The following EVI5 variants were observed in gnomAD, a reference collection of about 807,000 sequenced individuals.
EVI5 encodes ecotropic viral integration site 5, also known as ecotropic viral integration site 5 protein homolog.
EVI5 carries 73 observed loss-of-function variants against 112.0 expected under a neutral mutation model. The observed-to-expected ratio is 0.65, with a 90% CI of 0.54 to 0.79. The LOEUF (loss-of-function observed/expected upper bound fraction) is 0.79. Among genes scored for constraint, EVI5 ranks in the 30% least tolerant of loss-of-function variants. The probability of loss-of-function intolerance (pLI) is 0.00; values close to 1 mark genes in which losing one functional copy is unlikely to be tolerated. For synonymous variants in EVI5, 305 were observed against 319.9 expected (o/e 0.95, Z 0.50); for missense variants, 900 against 968.8 (o/e 0.93, Z 0.94).
intron 2 of EVI5, among the ~76,000 whole-genome samples, chr1:92,724,498 A>T (rs993150308): frequency 4.6e-5 from 7 of 152,182 alleles, no homozygotes; most frequent in African/African-American, 1.7e-4. Flanking sequence ...ACATTAAATT[A>T]TATCGAACAA....
At chr1:92,568,099 C>T (rs956930560) in intron 18 of EVI5, among the ~76,000 whole-genome samples, 1 of 151,926 alleles carries the variant, frequency 6.6e-6, no homozygotes, top group African/African-American at 2.4e-5. Context: ...TCTGGCTGGG[C>T]GTGGTGGCTT....
At chr1:92,704,785 G>T in intron 2 of EVI5, 41 bp from the exon 3 acceptor site, 1 of 990,322 alleles carries the variant, frequency 1.0e-6, no homozygotes, top group Non-Finnish European at 1.5e-6. Context: ...TAATCGGACA[G>T]TGATATTAGA....
intron 1 of EVI5, among the ~76,000 whole-genome samples, chr1:92,740,670 GT>G (rs1055189591): frequency 1.3e-5 from 2 of 152,138 alleles, no homozygotes; most frequent in African/African-American, 4.8e-5. Context: ...CTGTATACAT[GT>G]ATGTATAAAA....
chr1:92,709,177 G>T (rs762248236), intron 2 of EVI5, among the ~76,000 whole-genome samples: 1 of 152,024 alleles, frequency 6.6e-6, no homozygotes, highest in Non-Finnish European at 1.5e-5. Flanking sequence ...CAGAGGGTGG[G>T]GTTGCTAGAA....
intron 2 of EVI5, among the ~76,000 whole-genome samples, chr1:92,731,181 G>A (rs969080920): frequency 7.2e-5 from 11 of 151,910 alleles, no homozygotes; most frequent in East Asian, 1.9e-4. Context: ...AAAATTAGCC[G>A]TCATAGTGGC....
chr1:92,769,165 T>A (rs971073748), intron 1 of EVI5, among the ~76,000 whole-genome samples: 4 of 152,180 alleles, frequency 2.6e-5, no homozygotes, highest in African/African-American at 9.7e-5. Context: ...CCAGTACCAT[T>A]CTCTCCTTTT....
At chr1:92,563,564 T>C in intron 19 of EVI5, 78 bp downstream of exon 19, 1 of 686,430 alleles carries the variant, frequency 1.5e-6, no homozygotes, top group East Asian at 2.6e-5. Context: ...GTGTCAGTCT[T>C]ATAACCAGTA....
intron 18 of EVI5, among the ~76,000 whole-genome samples, chr1:92,579,481 T>A (rs939712834): frequency 6.6e-6 from 1 of 152,160 alleles, no homozygotes; most frequent in African/African-American, 2.4e-5. Context: ...ATAAAAAATA[T>A]CAATGGTATT....
At chr1:92,777,696 C>A (rs1267978219) in intron 1 of EVI5, among the ~76,000 whole-genome samples, 1 of 152,190 alleles carries the variant, frequency 6.6e-6, no homozygotes, top group Non-Finnish European at 1.5e-5. Flanking sequence ...AGACAGTGGA[C>A]TTCCAAGGTG....
At chr1:92,699,008 G>A (rs191466711) in intron 5 of EVI5, among the ~76,000 whole-genome samples, 13 of 152,174 alleles carry the variant, frequency 8.5e-5, no homozygotes, top group Admixed American at 2.6e-4. Flanking sequence ...ATTCATTCCC[G>A]TTATACCAGT....
intron 2 of EVI5, among the ~76,000 whole-genome samples, chr1:92,716,216 G>A (rs867214688): frequency 1.2e-4 from 18 of 152,078 alleles, no homozygotes; most frequent in Non-Finnish European, 7.4e-5. Context: ...AGTAGGGGCC[G>A]ACTGACACCT....
At chr1:92,528,717 A>C (rs1239833203) in intron 19 of EVI5, among the ~76,000 whole-genome samples, 1 of 152,240 alleles carries the variant, frequency 6.6e-6, no homozygotes, top group Non-Finnish European at 1.5e-5. Flanking sequence ...ATATGATTTC[A>C]TTAGTAAAAT....
chr1:92,559,793 A>AAT (rs1207491046), intron 19 of EVI5, among the ~76,000 whole-genome samples: 3 of 151,096 alleles, frequency 2.0e-5, no homozygotes, highest in Non-Finnish European at 4.4e-5. Context: ...AAAAAAAAAA[A>AAT]AAAAAGCTTC....
rs1407389193 is a variant in EVI5, at chr1:92,715,599, T to C, written c.150-10855A>G. Among the ~76,000 whole-genome samples, 7 of 152,228 alleles carry C rather than the reference T, an allele frequency of 4.6e-5. 1 individual carries two copies. The South Asian group carries it at 1.2e-3, about 27-fold the overall frequency. On this transcript the variant is annotated intron_variant, in intron 2 of 19. Coordinates refer to ENST00000684568, the MANE Select transcript of EVI5 (RefSeq NM_001350197.2). Reference sequence around the variant, plus strand: ...AACTGAGGTACCTGGTTCATCTCACTGAGACTGGTTGGACAGTGGGTGCAG... The same window carrying C: ...AACTGAGGTACCTGGTTCATCTCACCGAGACTGGTTGGACAGTGGGTGCAG...
intron 18 of EVI5, among the ~76,000 whole-genome samples, chr1:92,571,364 T>C (rs1232528171): frequency 6.6e-6 from 1 of 151,832 alleles, no homozygotes; most frequent in Non-Finnish European, 1.5e-5. Flanking sequence ...GTTAGAAAGC[T>C]CTGAATGGGA....
intron 16 of EVI5, among the ~76,000 whole-genome samples, chr1:92,614,273 C>T (rs1652535871): frequency 6.6e-6 from 1 of 152,090 alleles, no homozygotes; most frequent in Admixed American, 6.6e-5. Context: ...CACAAGATAT[C>T]CAGCTTTCAA....
At chr1:92,674,324 GCA>G (rs909747980) in intron 10 of EVI5, among the ~76,000 whole-genome samples, 2 of 152,216 alleles carry the variant, frequency 1.3e-5, no homozygotes, top group African/African-American at 4.8e-5. Context: ...AGAAAATGTA[GCA>G]CATATACACC....
At chr1:92,632,088 T>A (rs1657285584) in intron 14 of EVI5, among the ~76,000 whole-genome samples, 1 of 152,234 alleles carries the variant, frequency 6.6e-6, no homozygotes, top group Non-Finnish European at 1.5e-5. Flanking sequence ...TTGCCAGTAT[T>A]TTATTGAGGA....
rs961142058 is a variant in EVI5, at chr1:92,706,156, A to G, written c.150-1412T>C. Among the ~76,000 whole-genome samples the G allele has an allele frequency of 5.9e-5, 9 of 152,154 alleles. No individual in the cohort carries two copies. In the East Asian group the frequency reaches 1.7e-3, roughly 29 times the overall value. ...ATTGCTAAAAACATAAAAACATACCAAACAGCCAAAGTGAGCATCAACTAA... is the reference window on the plus strand; with the variant it reads ...ATTGCTAAAAACATAAAAACATACCGAACAGCCAAAGTGAGCATCAACTAA... On this transcript the variant is annotated intron_variant, in intron 2 of 19. Coordinates refer to ENST00000684568, the MANE Select transcript of EVI5 (RefSeq NM_001350197.2).
Sources: gnomAD v4.1 joint callset for allele counts (sites outside exome capture counted in the v4.1 genomes callset) on GRCh38, gnomAD v4.1.1 for gene constraint, MANE v1.5 for transcripts, NCBI Gene and HGNC (gene_info 2026-07-23, HGNC 2026-07-21) for gene names.